Variants in SHB observed in about 807,000 individuals in gnomAD.
SHB encodes the protein SH2 domain-containing adapter protein B.
SHB carries 20 observed loss-of-function variants against 52.3 expected under a neutral mutation model. The observed-to-expected ratio is 0.38, with a 90% CI of 0.27 to 0.56. SHB has a LOEUF of 0.56. SHB is among the 20% of genes least tolerant of loss of function. The pLI, the probability that SHB is intolerant of heterozygous loss-of-function variation, is 0.71. For synonymous variants in SHB, 397 were observed against 316.5 expected (o/e 1.25, Z -2.70); for missense variants, 825 against 723.3 (o/e 1.14, Z -1.61).
At chr9:38,033,763 C>T (rs1424166314) in intron 1 of SHB, among the ~76,000 whole-genome samples, 2 of 152,146 alleles carry the variant, frequency 1.3e-5, no homozygotes, top group African/African-American at 4.8e-5. Flanking sequence ...TATGGACTGG[C>T]TCACGCAGGC....
intron 1 of SHB, among the ~76,000 whole-genome samples, chr9:38,049,278 G>A (rs1301106869): frequency 6.6e-6 from 1 of 152,130 alleles, no homozygotes; most frequent in African/African-American, 2.4e-5. Flanking sequence ...CAAAGTGCTG[G>A]GATTACAGGT....
In SHB at chr9:38,056,482, C is replaced by T. The variant is rs574307364; in HGVS notation, c.717+11447G>A. ...AAGTAGCTGGGACTACAGGGGGATG[C>T]CACCACACACAGGTAATTTTCTGTA... On this transcript the variant is annotated intron_variant, in intron 1 of 5. Transcript: ENST00000377707. 5.9e-5 allele frequency among the ~76,000 whole-genome samples: 9 copies of T among 152,256 alleles called. No homozygotes were observed. In the South Asian group the frequency reaches 1.7e-3, roughly 28 times the overall value.
At chr9:38,022,865 G>C (rs181537009) in intron 1 of SHB, among the ~76,000 whole-genome samples, 1 of 152,238 alleles carries the variant, frequency 6.6e-6, no homozygotes, top group Non-Finnish European at 1.5e-5. Context: ...ACGCTGCCTG[G>C]GAAAGGGAGC....
chr9:38,068,571 TGGCCGCGGC>T lies in SHB; in HGVS notation c.66_74del (p.Pro23_Pro25del), dbSNP rs1822010262. 2 of 1,482,672 alleles carry T rather than the reference TGGCCGCGGC, an allele frequency of 1.3e-6. No homozygotes were observed. The highest frequency in any genetic ancestry group is 1.8e-6 in the Non-Finnish European group (2 of 1,127,710). The allele number at this position is 1,482,672 out of a possible 1,614,324, so 91.8% of individuals were successfully genotyped here. A position where few individuals can be genotyped will look rare whatever the true frequency, so the allele number is the denominator to read the frequency against. On this transcript the variant is annotated inframe_deletion, in exon 1 of 6. Transcript: ENST00000377707. ...CTCGGCGCCGCTGCTCGCGGTAGTC[TGGCCGCGGC>T]GGCTGCGGGGGGCTCTTGGTCTTGC...
chr9:37,995,213 C>T (rs1820933426), intron 2 of SHB, among the ~76,000 whole-genome samples: 1 of 152,122 alleles, frequency 6.6e-6, no homozygotes, highest in African/African-American at 2.4e-5. Flanking sequence ...CACTCACGTC[C>T]CCTGACGGAG....
intron 1 of SHB, among the ~76,000 whole-genome samples, chr9:38,022,746 T>C (rs1026684283): frequency 1.3e-5 from 2 of 152,088 alleles, no homozygotes; most frequent in Non-Finnish European, 2.9e-5. Flanking sequence ...CAAATAATGA[T>C]GAGGCCGCTC....
chr9:38,055,430 G>A (rs1397587214), intron 1 of SHB, among the ~76,000 whole-genome samples: 2 of 152,258 alleles, frequency 1.3e-5, no homozygotes, highest in East Asian at 1.9e-4. Flanking sequence ...GGTTGATGGT[G>A]GGCCGAAAAC....
chr9:38,067,924 C>G lies in SHB; in HGVS notation c.717+5G>C. 1 of 1,513,796 alleles carries G rather than the reference C, an allele frequency of 6.6e-7. No homozygotes were observed. The highest frequency in any genetic ancestry group is 2.6e-5 in the East Asian group (1 of 37,818). 93.8% of individuals were successfully genotyped at this position (1,513,796 alleles called of 1,614,324 possible). A position where few individuals can be genotyped will look rare whatever the true frequency, so the allele number is the denominator to read the frequency against. ...ACCTCGGGAAGAGGCCAAGGGGCACCTTACCTTGTCCTTCTTGCCGGCCCC... is the reference window on the plus strand; with the variant it reads ...ACCTCGGGAAGAGGCCAAGGGGCACGTTACCTTGTCCTTCTTGCCGGCCCC... On this transcript the variant is annotated splice_donor_5th_base_variant and intron_variant, in intron 1 of 5. Transcript: ENST00000377707.
At chr9:37,966,511 TCTCA>T (rs1056832775) in intron 3 of SHB, among the ~76,000 whole-genome samples, 1 of 152,214 alleles carries the variant, frequency 6.6e-6, no homozygotes, top group Non-Finnish European at 1.5e-5. Flanking sequence ...ATCCCCGTTC[TCTCA>T]CTGAAACCCC....
intron 3 of SHB, among the ~76,000 whole-genome samples, chr9:37,971,434 C>CTTCT (rs1820589224): frequency 6.6e-6 from 1 of 152,232 alleles, no homozygotes; most frequent in East Asian, 1.9e-4. Context: ...AGTGAGGATG[C>CTTCT]TTCTCACCTG....
intron 3 of SHB, among the ~76,000 whole-genome samples, chr9:37,962,087 T>G (rs1265750512): frequency 1.3e-5 from 2 of 152,214 alleles, no homozygotes; most frequent in East Asian, 3.8e-4. Context: ...TAAACTTCTT[T>G]GAGCCTTAGC....
At chr9:38,001,620 T>A (rs931744914) in intron 2 of SHB, among the ~76,000 whole-genome samples, 1 of 152,218 alleles carries the variant, frequency 6.6e-6, no homozygotes, top group African/African-American at 2.4e-5. Context: ...AGTTAGGTCT[T>A]CTGCGGTCCT....
At chr9:38,002,986 C>T (rs768287040) in intron 2 of SHB, among the ~76,000 whole-genome samples, 5 of 152,188 alleles carry the variant, frequency 3.3e-5, no homozygotes, top group Non-Finnish European at 7.3e-5. Flanking sequence ...TGGGAATTTA[C>T]AACAAATCTT....
intron 1 of SHB, among the ~76,000 whole-genome samples, chr9:38,026,435 T>C (rs1821345389): frequency 6.6e-6 from 1 of 152,196 alleles, no homozygotes; most frequent in Non-Finnish European, 1.5e-5. Flanking sequence ...CGGGACCCAT[T>C]AGGATGACTC....
chr9:37,982,378 A>G (rs1820738359), intron 2 of SHB, among the ~76,000 whole-genome samples: 1 of 152,092 alleles, frequency 6.6e-6, no homozygotes, highest in African/African-American at 2.4e-5. Context: ...CTATAATCCC[A>G]GCTACTGGGA....
intron 2 of SHB, among the ~76,000 whole-genome samples, chr9:38,006,854 C>T (rs1432130364): frequency 6.6e-6 from 1 of 152,198 alleles, no homozygotes; most frequent in Non-Finnish European, 1.5e-5. Context: ...CACAGCTGTC[C>T]CCCTTATCCC....
intron 1 of SHB, among the ~76,000 whole-genome samples, chr9:38,033,796 A>G (rs1319253228): frequency 6.6e-6 from 1 of 152,128 alleles, no homozygotes; most frequent in Non-Finnish European, 1.5e-5. Flanking sequence ...TAAGGCAGGA[A>G]AGGCCCTCAA....
intron 2 of SHB, among the ~76,000 whole-genome samples, chr9:38,014,314 T>C (rs1025748511): frequency 3.3e-5 from 5 of 152,236 alleles, no homozygotes; most frequent in South Asian, 2.1e-4. Context: ...AATGCAAGAC[T>C]GACAGAGCTG....
chr9:37,944,772 G>C (rs1159322494), intron 5 of SHB, among the ~76,000 whole-genome samples: 1 of 152,032 alleles, frequency 6.6e-6, no homozygotes, highest in Non-Finnish European at 1.5e-5. Flanking sequence ...CTCTACCTGA[G>C]CTGCCCTGCT....
Sources: allele counts gnomAD v4.1 joint callset (sites outside exome capture counted in the v4.1 genomes callset), GRCh38; gene constraint gnomAD v4.1.1; transcripts MANE v1.5; gene names NCBI Gene and HGNC (gene_info 2026-07-23, HGNC 2026-07-21).